The following GRID2 variants were observed in gnomAD, a reference collection of about 807,000 sequenced individuals.
GRID2 encodes glutamate ionotropic receptor delta type subunit 2.
Under a neutral mutation model 114.8 loss-of-function variants are expected in GRID2, and 33 were observed. That is an observed-to-expected ratio of 0.29 (90% CI 0.22 to 0.38). The LOEUF (loss-of-function observed/expected upper bound fraction) is 0.38, where lower values mean the gene tolerates loss of function less well. GRID2 is among the 10% of genes least tolerant of loss of function. The pLI, the probability that GRID2 is intolerant of heterozygous loss-of-function variation, is 1.00. For missense variants in GRID2, 1,184 were observed against 1,257.7 expected, an observed-to-expected ratio of 0.94 and a Z score of 0.89; for synonymous variants, 505 against 449.9, an observed-to-expected ratio of 1.12 and a Z score of -1.55.
At chr4:92,874,374 C>T (rs1040495867) in intron 2 of GRID2, among the ~76,000 whole-genome samples, 5 of 152,056 alleles carry the variant, frequency 3.3e-5, no homozygotes, top group African/African-American at 7.2e-5. Flanking sequence ...TGAAATGATT[C>T]GGATAGCATC....
At chr4:93,116,154 T>C (rs1733231503) in intron 4 of GRID2, among the ~76,000 whole-genome samples, 1 of 152,162 alleles carries the variant, frequency 6.6e-6, no homozygotes, top group Admixed American at 6.6e-5. Flanking sequence ...ACAGTTACAC[T>C]TCTATTTCCA....
intron 2 of GRID2, among the ~76,000 whole-genome samples, chr4:92,994,790 G>A (rs1185073143): frequency 6.6e-6 from 1 of 152,144 alleles, no homozygotes. Context: ...TGGTGCCAAC[G>A]AAGGCATTTT....
chr4:93,518,673 C>T (rs1015987666), intron 13 of GRID2, among the ~76,000 whole-genome samples: 2 of 151,940 alleles, frequency 1.3e-5, no homozygotes, highest in African/African-American at 2.4e-5. Flanking sequence ...ATGGGAAATA[C>T]CGAGAAGCAA....
intron 13 of GRID2, among the ~76,000 whole-genome samples, chr4:93,521,356 T>C (rs1324831947): frequency 6.6e-6 from 1 of 152,046 alleles, no homozygotes; most frequent in African/African-American, 2.4e-5. Context: ...CACAATTTAA[T>C]ATTTAGAGGA....
chr4:93,771,531 C>G (rs1402309251), intron 15 of GRID2, among the ~76,000 whole-genome samples: 1 of 152,112 alleles, frequency 6.6e-6, no homozygotes. Context: ...TCTAAACAAT[C>G]GCACATATCC....
chr4:93,262,827 T>TA (rs36049862), intron 8 of GRID2, among the ~76,000 whole-genome samples: 82,913 of 151,330 alleles, frequency 0.55, 23,652 homozygotes, highest in Middle Eastern at 0.74. Flanking sequence ...AATAGATTTC[T>TA]AAAAAAAATG....
At chr4:92,783,276 T>C (rs1486738079) in intron 2 of GRID2, among the ~76,000 whole-genome samples, 1 of 152,080 alleles carries the variant, frequency 6.6e-6, no homozygotes, top group Non-Finnish European at 1.5e-5. Context: ...TTAGAAAGTA[T>C]TGTTTTCACC....
chr4:93,093,106 G>T (rs1730921822), intron 3 of GRID2, among the ~76,000 whole-genome samples: 1 of 151,992 alleles, frequency 6.6e-6, no homozygotes, highest in Admixed American at 6.6e-5. Flanking sequence ...AGCTTCAGGA[G>T]GTAAAGTCTT....
At chr4:92,853,570 T>A (rs572900987) in intron 2 of GRID2, among the ~76,000 whole-genome samples, 1 of 152,126 alleles carries the variant, frequency 6.6e-6, no homozygotes, top group East Asian at 1.9e-4. Flanking sequence ...TTCCTTTTTT[T>A]ATTTGCCAGA....
At chr4:92,431,213 T>C (rs1732423539) in intron 1 of GRID2, among the ~76,000 whole-genome samples, 1 of 152,206 alleles carries the variant, frequency 6.6e-6, no homozygotes, top group Admixed American at 6.5e-5. Flanking sequence ...TAGATTTTTC[T>C]CATTCAATTT....
intron 2 of GRID2, among the ~76,000 whole-genome samples, chr4:92,894,901 C>T (rs1221764799): frequency 7.9e-5 from 12 of 151,886 alleles, no homozygotes; most frequent in African/African-American, 2.9e-4. Context: ...TTGGGCAGGT[C>T]AAGGGGAGTT....
At chr4:93,026,566 C>T (rs1723901405) in intron 2 of GRID2, among the ~76,000 whole-genome samples, 1 of 151,652 alleles carries the variant, frequency 6.6e-6, no homozygotes, top group Non-Finnish European at 1.5e-5. Flanking sequence ...TAAGTATTTT[C>T]AGATTTACTT....
At chr4:92,735,304 ACAT>A (rs1736538515) in intron 2 of GRID2, among the ~76,000 whole-genome samples, 1 of 152,110 alleles carries the variant, frequency 6.6e-6, no homozygotes, top group Non-Finnish European at 1.5e-5. Context: ...TTTTTCTTAT[ACAT>A]AGAAGCCTAA....
At chr4:92,543,702 A>G (rs1189049196) in intron 1 of GRID2, among the ~76,000 whole-genome samples, 1 of 152,156 alleles carries the variant, frequency 6.6e-6, no homozygotes, top group Non-Finnish European at 1.5e-5. Flanking sequence ...CAAAAAAGTA[A>G]TTCTTTCCCT....
At position 93,422,802 on chromosome 4, in the gene GRID2, T is replaced by A. The variant is rs776078348; in HGVS notation, c.1379T>A (p.Val460Asp). 1.2e-6 allele frequency: 2 copies of A among 1,613,554 alleles called. No homozygotes were observed. Among genetic ancestry groups the A allele is most frequent in the Non-Finnish European group, 8.5e-7 (1 of 1,179,466 alleles). ...EEPFVMVSEN[V>D]LGKPKKYQGF... Reference sequence around the variant, plus strand: ...CCTTTTGTGATGGTCTCTGAAAATGTCTTGGGTAAGCCGAAGAAATACCAG... The same window carrying A: ...CCTTTTGTGATGGTCTCTGAAAATGACTTGGGTAAGCCGAAGAAATACCAG... The change falls in exon 10 of 16, where the codon GTC becomes GAC. Residue 460 changes from valine (V) to aspartate (D), a missense_variant. Physicochemically the swap from Val to Asp is radical, Grantham distance 152 (BLOSUM62 -3). Coordinates refer to ENST00000282020, the MANE Select transcript of GRID2 (RefSeq NM_001510.4).
chr4:93,128,467 A>T (rs904806796), intron 4 of GRID2, among the ~76,000 whole-genome samples: 2 of 152,210 alleles, frequency 1.3e-5, no homozygotes, highest in African/African-American at 4.8e-5. Context: ...GATAGTATTT[A>T]ATTATTGATA....
chr4:92,529,582 A>C (rs1451413302), intron 1 of GRID2, among the ~76,000 whole-genome samples: 1 of 152,098 alleles, frequency 6.6e-6, no homozygotes, highest in Non-Finnish European at 1.5e-5. Flanking sequence ...AGCTAAATGG[A>C]ACTGCAGCCC....
At chr4:93,625,560 T>C (rs1468856812) in intron 13 of GRID2, among the ~76,000 whole-genome samples, 1 of 152,216 alleles carries the variant, frequency 6.6e-6, no homozygotes, top group Non-Finnish European at 1.5e-5. Flanking sequence ...CAACCAGCCA[T>C]GAACTGAAAA....
intron 2 of GRID2, among the ~76,000 whole-genome samples, chr4:92,810,670 G>C (rs560701732): frequency 6.6e-6 from 1 of 152,202 alleles, no homozygotes; most frequent in South Asian, 2.1e-4. Context: ...GAATGGAAGT[G>C]TAATAGTAAC....
Sources: allele counts gnomAD v4.1 joint callset (sites outside exome capture counted in the v4.1 genomes callset), GRCh38; gene constraint gnomAD v4.1.1; transcripts MANE v1.5; gene names NCBI Gene and HGNC (gene_info 2026-07-23, HGNC 2026-07-21).